Variants in CLIC1 observed in about 807,000 individuals in gnomAD.
The protein encoded by CLIC1 is chloride intracellular channel protein 1.
A neutral mutation model predicts 26.4 loss-of-function variants in CLIC1; 16 were observed. The ratio of observed to expected loss-of-function variants is 0.61; its 90% CI spans 0.41 to 0.92. The LOEUF is 0.92. Among genes scored for constraint, CLIC1 ranks in the 40% least tolerant of loss-of-function variants. CLIC1 has a pLI of 0.00. For missense variants in CLIC1, 225 were observed against 289.7 expected (o/e 0.78, Z 1.62); for synonymous variants, 98 against 120.8 (o/e 0.81, Z 1.24).
rs1808196396 is a variant in CLIC1 at position 31,734,338 on chromosome 6, T to A, written c.40-75A>T. ...CCTAGGCCAGTCCCTGCATTCCCAC[T>A]CCCAGACCAGCTGTTTTCTGCCTAG... On this transcript the variant is annotated intron_variant, in intron 1 of 5. Transcript: ENST00000375784. The surrounding 1 kb of genome is among the most constrained non-coding windows in gnomAD (Gnocchi z 5.3). 1 of 1,092,270 alleles carries A rather than the reference T, an allele frequency of 9.2e-7. No individual in the cohort carries two copies. Among genetic ancestry groups the A allele is most frequent in the African/African-American group, 1.5e-5 (1 of 64,704 alleles). 67.7% of individuals were successfully genotyped at this position (1,092,270 alleles called of 1,614,324 possible). A position where few individuals can be genotyped will look rare whatever the true frequency, so the allele number is the denominator to read the frequency against.
At position 31,730,816 on chromosome 6, in the gene CLIC1, G is replaced by C; in HGVS notation, c.*26C>G. 1 of 1,611,850 alleles carries C rather than the reference G, an allele frequency of 6.2e-7. No homozygotes were observed. The highest frequency in any genetic ancestry group is 8.5e-7 in the Non-Finnish European group (1 of 1,179,104). On this transcript the variant is annotated 3_prime_UTR_variant, in exon 6 of 6. Transcript: ENST00000375784. The surrounding 1 kb of genome is among the most constrained non-coding windows in gnomAD (Gnocchi z 5.1). ...CAGGGCCTTTGTGGAGAAAATGGAG[G>C]GGGTTGAGGGAGTCCCAGGAGGGGC...
chr6:31,731,183 GT>G (rs907662707), intron 5 of CLIC1, among the ~76,000 whole-genome samples, 180 bp from the exon 6 acceptor site: 1 of 152,050 alleles, frequency 6.6e-6, no homozygotes, highest in African/African-American at 2.4e-5. Context: ...TTTTTCCTGA[GT>G]TTTTAAAACT....
intron 1 of CLIC1, among the ~76,000 whole-genome samples, chr6:31,735,206 G>C (rs1480783050): frequency 1.3e-5 from 2 of 151,622 alleles, no homozygotes; most frequent in Non-Finnish European, 2.9e-5. Context: ...AAACAAAAGG[G>C]GGGAAGGGGA....
rs1052845740 is a variant in CLIC1, at chr6:31,733,565, C to T, written c.382+1G>A. The T allele has an allele frequency of 1.9e-6, 3 of 1,609,546 alleles. No individual in the cohort carries two copies. The highest frequency in any genetic ancestry group is 1.3e-5 in the African/African-American group (1 of 74,848). ...CCAGGCCTCTGACCCACAAGACTCA[C>T]TGTCATTGAGTGCTGGGTTTGAATT... On this transcript the variant is annotated splice_donor_variant, in intron 4 of 5. Transcript: ENST00000375784. LOFTEE classifies it high-confidence loss of function. This position sits in a 1 kb window ranked among gnomAD's most constrained non-coding sequence, Gnocchi z 5.4.
rs1808032278 is a variant in CLIC1 at position 31,732,345 on chromosome 6, A to T, written c.436T>A (p.Ser146Thr). Reference sequence around the variant, plus strand: ...TCATCCACTTCTTCTGGGAGGGGGGATGTTAAGTAATTGTCTAAAACCTTC... The same window carrying T: ...TCATCCACTTCTTCTGGGAGGGGGGTTGTTAAGTAATTGTCTAAAACCTTC... The change falls in exon 5 of 6, where the codon TCC becomes ACC. Residue 146 changes from serine to threonine, a missense_variant. Coordinates refer to ENST00000375784, the Ensembl canonical transcript of CLIC1. The surrounding 1 kb of genome is among the most constrained non-coding windows in gnomAD (Gnocchi z 5.0). 3 of 1,593,016 alleles carry T rather than the reference A, an allele frequency of 1.9e-6. No homozygotes were observed. Among genetic ancestry groups the T allele is most frequent in the Non-Finnish European group, 2.6e-6 (3 of 1,170,480 alleles).
chr6:31,732,335 G>A lies in CLIC1; in HGVS notation c.446C>T (p.Pro149Leu). ...AGCACTGGTTTCATCCACTTCTTCT[G>A]GGAGGGGGGATGTTAAGTAATTGTC... Residue 149 changes from proline (P) to leucine (L), a missense_variant, in exon 5 of 6, where the codon CCA becomes CTA. Pro to Leu is a moderately conservative substitution (Grantham distance 98). Transcript: ENST00000375784. The surrounding 1 kb of genome is among the most constrained non-coding windows in gnomAD (Gnocchi z 5.0). 1 of 1,595,328 alleles carries A rather than the reference G, an allele frequency of 6.3e-7. No individual in the cohort carries two copies. Among genetic ancestry groups the A allele is most frequent in the East Asian group, 2.3e-5 (1 of 43,586 alleles).
At position 31,733,931 on chromosome 6, in the gene CLIC1, T is replaced by G; in HGVS notation, c.180A>C (p.Pro60=). Reference sequence around the variant, plus strand: ...ACAGCAGGAATGGGAGCTGCCCCCCTGGGCACAGCTTCTGCACTGTCTCGG... The same window carrying G: ...ACAGCAGGAATGGGAGCTGCCCCCCGGGGCACAGCTTCTGCACTGTCTCGG... The change falls in exon 3 of 6, where the codon CCA becomes CCC. Residue 60 remains proline, a synonymous_variant. Transcript: ENST00000375784. This position sits in a 1 kb window ranked among gnomAD's most constrained non-coding sequence, Gnocchi z 5.4. 1 of 1,613,576 alleles carries G rather than the reference T, an allele frequency of 6.2e-7. No individual in the cohort carries two copies. The highest frequency in any genetic ancestry group is 1.1e-5 in the South Asian group (1 of 91,040).
intron 5 of CLIC1, among the ~76,000 whole-genome samples, chr6:31,731,945 G>A (rs926230435): frequency 3.9e-5 from 6 of 152,198 alleles, no homozygotes; most frequent in African/African-American, 1.4e-4. Context: ...GACAGGAAGA[G>A]CATTCTTCAA....
Position 31,736,200 on chromosome 6 carries a change from CG to C in CLIC1, c.39+61del. The C allele has an allele frequency of 1.9e-6, 3 of 1,565,346 alleles. No homozygotes were observed. Among genetic ancestry groups the C allele is most frequent in the Admixed American group, 3.3e-5 (2 of 59,852 alleles). The stretch of plus-strand genomic sequence containing the variant: ...AGGGATTGGGGAGTTAAGGCTGGAC[CG>C]GGGGAAAGGTGAGAGTTGGCTTCCA... On this transcript the variant is annotated intron_variant, in intron 1 of 5. Transcript: ENST00000375784. This position sits in a 1 kb window ranked among gnomAD's most constrained non-coding sequence, Gnocchi z 5.0.
rs1045403822 is a variant in CLIC1 at position 31,733,221 on chromosome 6, G to T, written c.382+345C>A. On this transcript the variant is annotated intron_variant, in intron 4 of 5. Coordinates refer to ENST00000375784, the Ensembl canonical transcript of CLIC1. The surrounding 1 kb of genome is among the most constrained non-coding windows in gnomAD (Gnocchi z 5.4). ...GGACTTACAGAGAGGTGAAATGATT[G>T]CTCAAAATTATACGGCTAGTTGGAT... Among the ~76,000 whole-genome samples, 2 of 152,126 alleles carry T rather than the reference G, an allele frequency of 1.3e-5. No homozygotes were observed. The highest frequency in any genetic ancestry group is 2.9e-5 in the Non-Finnish European group (2 of 68,026).
At chr6:31,735,767 G>GGA (rs1808284099) in intron 1 of CLIC1, among the ~76,000 whole-genome samples, 1 of 142,414 alleles carries the variant, frequency 7.0e-6, no homozygotes, top group African/African-American at 2.6e-5. Context: ...CTCACTCTCA[G>GGA]GCCTCCCTCA....
upstream of CLIC1, chr6:31,736,783 A>C: frequency 1.0e-6 from 1 of 992,404 alleles, no homozygotes; most frequent in Non-Finnish European, 1.2e-6. The surrounding 1 kb of genome is among the most constrained non-coding windows in gnomAD (Gnocchi z 5.0). Context: ...CATATAAAAA[A>C]CTTGACACTA....
rs1427164478 is a variant in CLIC1 at position 31,733,497 on chromosome 6, TA to T, written c.382+68del. On this transcript the variant is annotated intron_variant, in intron 4 of 5. Transcript: ENST00000375784. This position sits in a 1 kb window ranked among gnomAD's most constrained non-coding sequence, Gnocchi z 5.4. The stretch of plus-strand genomic sequence containing the variant: ...TGATATCTGAACGTCCAGGTGCCCC[TA>T]ATGTCTCCTACCCGCTGGGTCCTCT... 2.7e-6 allele frequency: 3 copies of T among 1,118,576 alleles called. No individual in the cohort carries two copies. The highest frequency in any genetic ancestry group is 4.1e-6 in the Non-Finnish European group (3 of 737,008). The allele number at this position is 1,118,576 out of a possible 1,614,324, so 69.3% of individuals were successfully genotyped here. A position where few individuals can be genotyped will look rare whatever the true frequency, so the allele number is the denominator to read the frequency against.
In CLIC1 at chr6:31,736,236, G is replaced by A; in HGVS notation, c.39+26C>T. 1 of 1,612,256 alleles carries A rather than the reference G, an allele frequency of 6.2e-7. No individual in the cohort carries two copies. On this transcript the variant is annotated intron_variant, in intron 1 of 5. Coordinates refer to ENST00000375784, the Ensembl canonical transcript of CLIC1. This position sits in a 1 kb window ranked among gnomAD's most constrained non-coding sequence, Gnocchi z 5.0. ...TGAGAGTTGGCTTCCAGGAATTTGG[G>A]TGGCTGAGGAGAGAAGTGTTCTTAC...
At position 31,733,047 on chromosome 6, in the gene CLIC1, G is replaced by A. The variant is rs1018415275; in HGVS notation, c.382+519C>T. Among the ~76,000 whole-genome samples the A allele has an allele frequency of 4.0e-5, 6 of 151,590 alleles. No individual in the cohort carries two copies. The highest frequency in any genetic ancestry group is 7.4e-5 in the Non-Finnish European group (5 of 67,910). ...TGAGGCAGGAGAATTGCTTGAACCC[G>A]GCAGGCAGAGGTTGCAGTGAGCTGA... On this transcript the variant is annotated intron_variant, in intron 4 of 5. Transcript: ENST00000375784. The surrounding 1 kb of genome is among the most constrained non-coding windows in gnomAD (Gnocchi z 5.4).
rs369705383 is a variant in CLIC1 at position 31,733,516 on chromosome 6, G to A, written c.382+50C>T. 2.7e-5 allele frequency: 37 copies of A among 1,364,706 alleles called. No individual in the cohort carries two copies. In the East Asian group the frequency reaches 3.7e-4, roughly 14 times the overall value. The allele number at this position is 1,364,706 out of a possible 1,614,324, so 84.5% of individuals were successfully genotyped here. ...TGCCCCTAATGTCTCCTACCCGCTG[G>A]GTCCTCTCTATTCCTCCCAGGACCC... On this transcript the variant is annotated intron_variant, in intron 4 of 5. Coordinates refer to ENST00000375784, the Ensembl canonical transcript of CLIC1. The surrounding 1 kb of genome is among the most constrained non-coding windows in gnomAD (Gnocchi z 5.4).
Position 31,734,388 on chromosome 6 carries a change from A to G in CLIC1, c.40-125T>C. 1.4e-6 allele frequency: 1 copy of G among 714,202 alleles called. No individual in the cohort carries two copies. The highest frequency in any genetic ancestry group is 2.4e-6 in the Non-Finnish European group (1 of 413,056). 44.2% of individuals were successfully genotyped at this position (714,202 alleles called of 1,614,324 possible). ...GTCATGACACATACACTGTCCCCTC[A>G]CTATGGGCTCTTTGCCCTTGGGCCT... On this transcript the variant is annotated intron_variant, in intron 1 of 5. Coordinates refer to ENST00000375784, the Ensembl canonical transcript of CLIC1. This position sits in a 1 kb window ranked among gnomAD's most constrained non-coding sequence, Gnocchi z 5.3.
At position 31,733,998 on chromosome 6, in the gene CLIC1, G is replaced by A. The variant is rs1257524100; in HGVS notation, c.150-37C>T. 1 of 1,605,898 alleles carries A rather than the reference G, an allele frequency of 6.2e-7. No homozygotes were observed. The highest frequency in any genetic ancestry group is 1.7e-5 in the Admixed American group (1 of 59,738). ...ATCAGGAATCAGGACTGGAAATGGGGGTCAGGAAGAACCAGAAAGGGGGAA... is the reference window on the plus strand; with the variant it reads ...ATCAGGAATCAGGACTGGAAATGGGAGTCAGGAAGAACCAGAAAGGGGGAA... On this transcript the variant is annotated intron_variant, in intron 2 of 5. Transcript: ENST00000375784. This position sits in a 1 kb window ranked among gnomAD's most constrained non-coding sequence, Gnocchi z 5.4.
chr6:31,736,505 C>T lies in CLIC1; in HGVS notation c.-205G>A, dbSNP rs1263717360. On this transcript the variant is annotated 5_prime_UTR_variant, in exon 1 of 6. Coordinates refer to ENST00000375784, the Ensembl canonical transcript of CLIC1. The surrounding 1 kb of genome is among the most constrained non-coding windows in gnomAD (Gnocchi z 5.0). ...CACCCCACACCCAGCTCCTCCAGCTCGGTCCTCTCCCGGGCTGGATCAGAG... is the reference window on the plus strand; with the variant it reads ...CACCCCACACCCAGCTCCTCCAGCTTGGTCCTCTCCCGGGCTGGATCAGAG... 1.3e-5 allele frequency: 18 copies of T among 1,391,714 alleles called. No individual in the cohort carries two copies. The highest frequency in any genetic ancestry group is 2.9e-5 in the African/African-American group (2 of 68,428). The allele number at this position is 1,391,714 out of a possible 1,614,324, so 86.2% of individuals were successfully genotyped here. A position where few individuals can be genotyped will look rare whatever the true frequency, so the allele number is the denominator to read the frequency against.
Sources: gnomAD v4.1 joint callset for allele counts (sites outside exome capture counted in the v4.1 genomes callset) on GRCh38, gnomAD v4.1.1 for gene constraint, Gnocchi (gnomAD v3.1) non-coding constraint, MANE v1.5 for transcripts, NCBI Gene and HGNC (gene_info 2026-07-23, HGNC 2026-07-21) for gene names.